Variants in SRGAP1 observed in about 807,000 individuals in gnomAD.
The protein encoded by SRGAP1 is SLIT-ROBO Rho GTPase activating protein 1.
SRGAP1 carries 43 observed loss-of-function variants against 121.9 expected under a neutral mutation model. The ratio of observed to expected loss-of-function variants is 0.35; its 90% CI spans 0.28 to 0.46. SRGAP1 has a LOEUF of 0.46. SRGAP1 is among the 20% of genes least tolerant of loss of function. The probability of loss-of-function intolerance (pLI) is 1.00; values close to 1 mark genes in which losing one functional copy is unlikely to be tolerated. For missense variants in SRGAP1, 1,102 were observed against 1,350.9 expected (o/e 0.82, Z 2.89); for synonymous variants, 447 against 485.4 (o/e 0.92, Z 1.04).
At chr12:63,856,286 A>C (rs1899248212) in intron 1 of SRGAP1, among the ~76,000 whole-genome samples, 1 of 135,916 alleles carries the variant, frequency 7.4e-6, no homozygotes, top group Non-Finnish European at 1.5e-5. Flanking sequence ...ATAAATAAAT[A>C]AATAAATAAA....
intron 18 of SRGAP1, among the ~76,000 whole-genome samples, chr12:64,116,723 A>G (rs185592199): frequency 6.6e-6 from 1 of 152,326 alleles, no homozygotes; most frequent in Admixed American, 6.5e-5. Flanking sequence ...CATGTCTTCT[A>G]CTGAAAATGT....
In SRGAP1 at chr12:64,160,821, A is replaced by T. The variant is rs1214652047; in HGVS notation, c.*18149A>T. The T allele has an allele frequency of 6.6e-6, 1 of 152,218 alleles. No homozygotes were observed. The highest frequency in any genetic ancestry group is 1.5e-5 in the Non-Finnish European group (1 of 68,030). The allele number at this position is 152,218 out of a possible 1,614,324, so 9.4% of individuals were successfully genotyped here. On this transcript the variant is annotated 3_prime_UTR_variant, in exon 22 of 22. Coordinates refer to ENST00000355086, the MANE Select transcript of SRGAP1 (RefSeq NM_020762.4). Reference sequence around the variant, plus strand: ...GGCAGAGCCAAGGAGAGATCGACAAACAAGAAGGATTGTGCCCATATTTCT... The same window carrying T: ...GGCAGAGCCAAGGAGAGATCGACAATCAAGAAGGATTGTGCCCATATTTCT...
chr12:64,005,836 G>A (rs2034064770), intron 3 of SRGAP1, among the ~76,000 whole-genome samples: 1 of 151,910 alleles, frequency 6.6e-6, no homozygotes, highest in Non-Finnish European at 1.5e-5. Flanking sequence ...TAACTTTACT[G>A]AAATCAGCTT....
At chr12:63,921,728 T>A (rs2136327739) in intron 1 of SRGAP1, among the ~76,000 whole-genome samples, 1 of 152,376 alleles carries the variant, frequency 6.6e-6, no homozygotes, top group Admixed American at 6.5e-5. Context: ...TGCAGTGATC[T>A]GTGATCATGC....
intron 4 of SRGAP1, among the ~76,000 whole-genome samples, chr12:64,042,306 T>G (rs981012096): frequency 2.0e-5 from 3 of 152,176 alleles, no homozygotes; most frequent in Non-Finnish European, 2.9e-5. Flanking sequence ...AAAACAATGT[T>G]TTTTCAACTA....
At chr12:63,870,128 T>G (rs1592899671) in intron 1 of SRGAP1, among the ~76,000 whole-genome samples, 1 of 152,248 alleles carries the variant, frequency 6.6e-6, no homozygotes, top group Non-Finnish European at 1.5e-5. Context: ...GATTGCCATC[T>G]TTGACCTAAT....
At chr12:64,090,307 C>A (rs181818522) in intron 11 of SRGAP1, among the ~76,000 whole-genome samples, 69 of 152,314 alleles carry the variant, frequency 4.5e-4, no homozygotes, top group African/African-American at 1.6e-3. Context: ...AGCAAATGGG[C>A]AGACTGGAGA....
chr12:64,102,356 G>T (rs575734954), intron 15 of SRGAP1, among the ~76,000 whole-genome samples: 1 of 152,282 alleles, frequency 6.6e-6, no homozygotes, highest in East Asian at 1.9e-4. Context: ...TATCTTTCCA[G>T]AGTTTTTCTA....
chr12:64,089,035 T>G (rs1240758010), intron 11 of SRGAP1, among the ~76,000 whole-genome samples: 4 of 152,224 alleles, frequency 2.6e-5, no homozygotes, highest in Non-Finnish European at 4.4e-5. Flanking sequence ...GGGGACTTTC[T>G]GACCCCAGAA....
intron 4 of SRGAP1, among the ~76,000 whole-genome samples, chr12:64,031,253 G>C (rs1295126866): frequency 6.8e-6 from 1 of 147,930 alleles, no homozygotes; most frequent in Non-Finnish European, 1.5e-5. Context: ...GGGAGGAGGA[G>C]GTTGCAGTGA....
At chr12:63,985,672 A>G (rs1014142340) in intron 2 of SRGAP1, among the ~76,000 whole-genome samples, 18 of 152,206 alleles carry the variant, frequency 1.2e-4, no homozygotes, top group African/African-American at 4.1e-4. Flanking sequence ...AATTGTATCC[A>G]CCCTTTAATT....
intron 1 of SRGAP1, chr12:63,878,996 T>C (rs893140138): frequency 2.6e-5 from 4 of 152,170 alleles, no homozygotes; most frequent in Admixed American, 6.5e-5. Flanking sequence ...AAAACTTTAC[T>C]GTTAATTTAC....
chr12:64,025,382 A>G (rs529666181), intron 4 of SRGAP1, among the ~76,000 whole-genome samples: 43 of 152,226 alleles, frequency 2.8e-4, no homozygotes, highest in African/African-American at 9.6e-4. Flanking sequence ...GCCACCTCAT[A>G]TCGGAAGATT....
chr12:64,135,627 A>C (rs749327378), intron 21 of SRGAP1, among the ~76,000 whole-genome samples: 6 of 152,138 alleles, frequency 3.9e-5, no homozygotes, highest in Non-Finnish European at 8.8e-5. Flanking sequence ...ATTTTGCATA[A>C]CTCTCTAAAC....
intron 1 of SRGAP1, among the ~76,000 whole-genome samples, chr12:63,913,540 A>G (rs978382039): frequency 2.0e-5 from 3 of 148,282 alleles, no homozygotes; most frequent in African/African-American, 7.4e-5. Context: ...TGTATTATAT[A>G]TATACACACA....
chr12:63,961,097 C>T (rs969745787), intron 1 of SRGAP1, among the ~76,000 whole-genome samples: 2 of 152,076 alleles, frequency 1.3e-5, no homozygotes, highest in East Asian at 1.9e-4. Flanking sequence ...TCAGATATCA[C>T]GTACATAAGC....
intron 8 of SRGAP1, among the ~76,000 whole-genome samples, chr12:64,065,850 G>T (rs2035530423): frequency 1.3e-5 from 2 of 152,116 alleles, no homozygotes; most frequent in African/African-American, 4.8e-5. Context: ...ATTTTCAAAT[G>T]GTACTTGAAT....
At chr12:63,859,277 A>G (rs73315321) in intron 1 of SRGAP1, among the ~76,000 whole-genome samples, 43,034 of 151,950 alleles carry the variant, frequency 0.28, 7,022 homozygotes, top group East Asian at 0.55. Flanking sequence ...TTGGTGCCTC[A>G]GCCTCCCAAG....
chr12:64,029,651 A>T (rs1335720291), intron 4 of SRGAP1, among the ~76,000 whole-genome samples: 1 of 152,128 alleles, frequency 6.6e-6, no homozygotes, highest in Non-Finnish European at 1.5e-5. Context: ...CTCTGCAGGG[A>T]ACTCCGTACA....
Sources: allele counts gnomAD v4.1 joint callset (sites outside exome capture counted in the v4.1 genomes callset), GRCh38; gene constraint gnomAD v4.1.1; transcripts MANE v1.5; gene names NCBI Gene and HGNC (gene_info 2026-07-23, HGNC 2026-07-21).